MYLK2: variants seen among roughly 807,000 people sequenced by gnomAD.
The protein encoded by MYLK2 is myosin light chain kinase 2.
In MYLK2, 27 loss-of-function variants were observed where a neutral mutation model predicts 58.2. That is an observed-to-expected ratio of 0.46 (90% CI 0.34 to 0.64). The LOEUF (loss-of-function observed/expected upper bound fraction) is 0.64. MYLK2 is among the 30% of genes least tolerant of loss of function. The pLI is 0.01. For missense variants in MYLK2, 676 were observed against 764.3 expected (o/e 0.88, Z 1.36); for synonymous variants, 310 against 296.7 (o/e 1.04, Z -0.46).
Position 31,833,734 on chromosome 20 carries a change from C to G in MYLK2, c.1728C>G (p.Val576=). Residue 576 remains valine (V), a synonymous_variant, in exon 13 of 13, where the codon GTC becomes GTG. Coordinates refer to ENST00000375985, the MANE Select transcript of MYLK2 (RefSeq NM_033118.4). The part of the protein sequence containing the change: ...KRRWKKNFIA[V]SAANRFKKIS... ...CCCTCTAGAAAAACTTCATTGCTGTCAGCGCTGCCAACCGCTTCAAGAAGA... is the reference window on the plus strand; with the variant it reads ...CCCTCTAGAAAAACTTCATTGCTGTGAGCGCTGCCAACCGCTTCAAGAAGA... 8.1e-6 allele frequency: 13 copies of G among 1,614,008 alleles called. No homozygotes were observed. Among genetic ancestry groups the G allele is most frequent in the Non-Finnish European group, 1.1e-5 (13 of 1,179,958 alleles).
Position 31,826,669 on chromosome 20 carries a change from A to G in MYLK2, c.1037A>G (p.Tyr346Cys), listed in dbSNP as rs774984976. ...QLNHRNLIQL[Y>C]AAIETPHEIV... Reference sequence around the variant, plus strand: ...AACCACCGCAATCTGATCCAGCTGTATGCAGCCATCGAGACTCCGCATGAG... The same window carrying G: ...AACCACCGCAATCTGATCCAGCTGTGTGCAGCCATCGAGACTCCGCATGAG... Residue 346 changes from tyrosine (Y) to cysteine (C), a missense_variant, in exon 7 of 13, where the codon TAT (tyrosine) becomes TGT (cysteine). Tyr to Cys is a radical substitution (Grantham distance 194). Transcript: ENST00000375985. The G allele has an allele frequency of 1.2e-6, 2 of 1,614,068 alleles. No individual in the cohort carries two copies. Among genetic ancestry groups the G allele is most frequent in the Admixed American group, 3.3e-5 (2 of 60,022 alleles).
At position 31,826,968 on chromosome 20, in the gene MYLK2, C is replaced by A; in HGVS notation, c.1224+30C>A. On this transcript the variant is annotated intron_variant, in intron 8 of 12. Transcript: ENST00000375985. ...CAGACTGGGGCCTCCTGGGAAGGGT[C>A]AGGGGCAGCCTCCGACCCCCTGAGA... 3 of 1,613,696 alleles carry A rather than the reference C, an allele frequency of 1.9e-6. No individual in the cohort carries two copies. The South Asian group carries it at 3.3e-5, about 18-fold the overall frequency.
chr20:31,830,269 G>A (rs2062299159), intron 8 of MYLK2, among the ~76,000 whole-genome samples: 1 of 152,216 alleles, frequency 6.6e-6, no homozygotes, highest in Non-Finnish European at 1.5e-5. Context: ...GTGAGAAAGT[G>A]AGTGGACTGG....
chr20:31,826,986 C>A lies in MYLK2; in HGVS notation c.1224+48C>A, dbSNP rs775636024. The A allele has an allele frequency of 3.1e-6, 5 of 1,612,562 alleles. No individual in the cohort carries two copies. The South Asian group carries it at 4.4e-5, about 14-fold the overall frequency. ...GAAGGGTCAGGGGCAGCCTCCGACCCCCTGAGATCAGTGCTGTCACCAGCC... is the reference window on the plus strand; with the variant it reads ...GAAGGGTCAGGGGCAGCCTCCGACCACCTGAGATCAGTGCTGTCACCAGCC... On this transcript the variant is annotated intron_variant, in intron 8 of 12. Transcript: ENST00000375985.
chr20:31,820,385 T>C lies in MYLK2; in HGVS notation c.312T>C (p.Pro104=), dbSNP rs202047576. The C allele has an allele frequency of 5.6e-6, 9 of 1,612,688 alleles. No homozygotes were observed. The East Asian group carries it at 1.8e-4, about 32-fold the overall frequency. The change falls in exon 3 of 13, where the codon CCT becomes CCC. Residue 104 remains proline, a synonymous_variant. Coordinates refer to ENST00000375985, the MANE Select transcript of MYLK2 (RefSeq NM_033118.4). The part of the protein sequence containing the change: ...PAALPQQTAT[P]ETSVKKPKAE... ...CCCTGCCCCAGCAGACTGCGACACC[T>C]GAGACCAGCGTCAAGAAGCCCAAGG...
chr20:31,829,604 G>GA (rs2062295427), intron 8 of MYLK2, among the ~76,000 whole-genome samples: 1 of 152,222 alleles, frequency 6.6e-6, no homozygotes, highest in Non-Finnish European at 1.5e-5. Flanking sequence ...GAATGGGAGG[G>GA]ATCAGGGGGT....
At chr20:31,833,461 A>C (rs975687677) in intron 12 of MYLK2, among the ~76,000 whole-genome samples, 2 of 152,162 alleles carry the variant, frequency 1.3e-5, no homozygotes, top group African/African-American at 2.4e-5. Context: ...TTTATCTTTT[A>C]CTTGGAGCAA....
chr20:31,824,445 C>G, intron 6 of MYLK2, 93 bp downstream of exon 6: 1 of 1,548,632 alleles, frequency 6.5e-7, no homozygotes, highest in Non-Finnish European at 8.7e-7. Flanking sequence ...GCTGCTGAAC[C>G]TGGGGCCTGG....
In MYLK2 at chr20:31,819,385, C is replaced by T. The variant is rs541898459; in HGVS notation, c.-92C>T. 20 of 696,646 alleles carry T rather than the reference C, an allele frequency of 2.9e-5. No individual in the cohort carries two copies. Among genetic ancestry groups the T allele is most frequent in the Non-Finnish European group, 3.8e-5 (15 of 398,128 alleles). 43.2% of individuals were successfully genotyped at this position (696,646 alleles called of 1,614,324 possible). On this transcript the variant is annotated 5_prime_UTR_variant, in exon 1 of 13. Transcript: ENST00000375985. Reference sequence around the variant, plus strand: ...CTGCCCAGGACTGCTCCTGAGCAGCCGCTGGGAGACAGACGGCAACCAGGT... The same window carrying T: ...CTGCCCAGGACTGCTCCTGAGCAGCTGCTGGGAGACAGACGGCAACCAGGT...
At chr20:31,829,254 G>A (rs765150873) in intron 8 of MYLK2, among the ~76,000 whole-genome samples, 7 of 152,046 alleles carry the variant, frequency 4.6e-5, no homozygotes, top group Non-Finnish European at 1.0e-4. Context: ...ATAATAATAC[G>A]TTTTTTGTCA....
Position 31,833,896 on chromosome 20 carries a change from A to G in MYLK2, c.*99A>G, listed in dbSNP as rs2062320650. 2.6e-6 allele frequency: 3 copies of G among 1,135,280 alleles called. No individual in the cohort carries two copies. The allele number at this position is 1,135,280 out of a possible 1,614,324, so 70.3% of individuals were successfully genotyped here. A position where few individuals can be genotyped will look rare whatever the true frequency, so the allele number is the denominator to read the frequency against. On this transcript the variant is annotated 3_prime_UTR_variant, in exon 13 of 13. Transcript: ENST00000375985. The stretch of plus-strand genomic sequence containing the variant: ...GAAAAGGCAGCCAGATCCCCAGGGC[A>G]GCCTCGTTAGGACAAGGCTGTGCCA...
At chr20:31,833,529 C>G (rs1164947352) in intron 12 of MYLK2, among the ~76,000 whole-genome samples, 188 bp from the exon 13 acceptor site, 1 of 152,150 alleles carries the variant, frequency 6.6e-6, no homozygotes, top group Non-Finnish European at 1.5e-5. Context: ...TCTGGCTGAC[C>G]TATCCGTTGA....
rs113036876 is a variant in MYLK2, at chr20:31,833,129, C to T, written c.1711-588C>T. Among the ~76,000 whole-genome samples, 408 of 152,268 alleles carry T rather than the reference C, an allele frequency of 2.7e-3. 1 individual carries two copies. Among genetic ancestry groups the T allele is most frequent in the Middle Eastern group, 0.014 (4 of 294 alleles). On this transcript the variant is annotated intron_variant, in intron 12 of 12. Coordinates refer to ENST00000375985, the MANE Select transcript of MYLK2 (RefSeq NM_033118.4). ...AAGCAATCCTCCCGCCTTGGCCTCT[C>T]GAAGTGTTGGGATTACAGGTGTGAG...
chr20:31,831,010 C>T lies in MYLK2; in HGVS notation c.1296-3C>T. On this transcript the variant is annotated splice_polypyrimidine_tract_variant and splice_region_variant and intron_variant, in intron 9 of 12. Coordinates refer to ENST00000375985, the MANE Select transcript of MYLK2 (RefSeq NM_033118.4). ...TGCTCTCAGCCCTTGGTCTCACCCCCAGGTATAACCCCAACGAGAAGCTGA... is the reference window on the plus strand; with the variant it reads ...TGCTCTCAGCCCTTGGTCTCACCCCTAGGTATAACCCCAACGAGAAGCTGA... 1.2e-6 allele frequency: 2 copies of T among 1,614,154 alleles called. No individual in the cohort carries two copies. Among genetic ancestry groups the T allele is most frequent in the African/African-American group, 2.7e-5 (2 of 75,032 alleles).
chr20:31,828,440 C>T (rs2062290720), intron 8 of MYLK2: 1 of 985,250 alleles, frequency 1.0e-6, no homozygotes, highest in Admixed American at 6.2e-5. Context: ...GGGTACTTTC[C>T]TTAATTCATT....
At chr20:31,822,209 G>A (rs976292872) in intron 4 of MYLK2, among the ~76,000 whole-genome samples, 1 of 152,124 alleles carries the variant, frequency 6.6e-6, no homozygotes, top group African/African-American at 2.4e-5. Context: ...CCAGACTCCA[G>A]AACCCACTTT....
At chr20:31,832,993 T>C (rs1246512034) in intron 12 of MYLK2, among the ~76,000 whole-genome samples, 2 of 152,174 alleles carry the variant, frequency 1.3e-5, no homozygotes, top group African/African-American at 4.8e-5. Flanking sequence ...GCTCAAGTGA[T>C]CCTCTCCTTT....
At chr20:31,833,572 G>A in intron 12 of MYLK2, 145 bp from the exon 13 acceptor site, 1 of 738,730 alleles carries the variant, frequency 1.4e-6, no homozygotes, top group Non-Finnish European at 2.4e-6. Context: ...CAGTGTCATG[G>A]CGCCTCCCGT....
intron 5 of MYLK2, 48 bp from the exon 6 acceptor site, chr20:31,824,211 C>G (rs1490602286): frequency 6.3e-7 from 1 of 1,592,918 alleles, no homozygotes; most frequent in Non-Finnish European, 8.6e-7. Context: ...TGCCACTGAC[C>G]CCGGTGGGCT....
Sources: allele counts gnomAD v4.1 joint callset (sites outside exome capture counted in the v4.1 genomes callset), GRCh38; gene constraint gnomAD v4.1.1; transcripts MANE v1.5; gene names NCBI Gene and HGNC (gene_info 2026-07-23, HGNC 2026-07-21).